AP3B1: variants seen among roughly 807,000 people sequenced by gnomAD.
AP3B1 encodes the protein adaptor related protein complex 3 subunit beta 1.
In AP3B1, 61 loss-of-function variants were observed where a neutral mutation model predicts 132.5. That is an observed-to-expected ratio of 0.46 (90% CI 0.37 to 0.57). The LOEUF (loss-of-function observed/expected upper bound fraction) is 0.57. Among genes scored for constraint, AP3B1 ranks in the 20% least tolerant of loss-of-function variants. The probability of loss-of-function intolerance (pLI) is 0.00; values close to 1 mark genes in which losing one functional copy is unlikely to be tolerated. For missense variants in AP3B1, 1,120 were observed against 1,289.4 expected, an observed-to-expected ratio of 0.87 and a Z score of 2.01; for synonymous variants, 388 against 438.3, an observed-to-expected ratio of 0.89 and a Z score of 1.43.
chr5:78,170,627 T>A (rs1172688732), intron 11 of AP3B1, among the ~76,000 whole-genome samples: 1 of 151,390 alleles, frequency 6.6e-6, no homozygotes, highest in African/African-American at 2.4e-5. Flanking sequence ...TTTTTCTGGA[T>A]ATTAGCCCTT....
At chr5:78,088,400 C>G (rs748781287) in intron 22 of AP3B1, among the ~76,000 whole-genome samples, 8 of 152,150 alleles carry the variant, frequency 5.3e-5, no homozygotes, top group African/African-American at 1.4e-4. Context: ...TTCACCTGTA[C>G]TTTCTGAGCG....
intron 2 of AP3B1, among the ~76,000 whole-genome samples, chr5:78,258,792 A>G (rs1301008536): frequency 6.6e-6 from 1 of 152,348 alleles, no homozygotes; most frequent in East Asian, 1.9e-4. Context: ...GAAGCAACCT[A>G]AGTGTCCACC....
At chr5:78,202,873 G>A (rs1260940283) in intron 7 of AP3B1, among the ~76,000 whole-genome samples, 3 of 152,122 alleles carry the variant, frequency 2.0e-5, no homozygotes, top group Non-Finnish European at 4.4e-5. Context: ...ACATACTGAA[G>A]TGTTTAGGTG....
chr5:78,176,624 T>C (rs139002939), intron 9 of AP3B1, among the ~76,000 whole-genome samples: 289 of 152,290 alleles, frequency 1.9e-3, no homozygotes, highest in African/African-American at 6.8e-3. Flanking sequence ...GAAATGAAGG[T>C]ATTCTTAAAC....
intron 2 of AP3B1, among the ~76,000 whole-genome samples, chr5:78,249,651 T>C (rs944327035): frequency 6.6e-6 from 1 of 151,214 alleles, no homozygotes; most frequent in Non-Finnish European, 1.5e-5. Flanking sequence ...TGGTGCCATG[T>C]TGGCTCACTG....
intron 25 of AP3B1, among the ~76,000 whole-genome samples, chr5:78,017,191 A>T (rs553637901): frequency 4.5e-4 from 69 of 152,192 alleles, no homozygotes; most frequent in African/African-American, 1.4e-3. Context: ...AAGTAAAATT[A>T]AAAAAATCAA....
At chr5:78,153,576 C>G (rs1318730273) in intron 14 of AP3B1, among the ~76,000 whole-genome samples, 2 of 152,040 alleles carry the variant, frequency 1.3e-5, no homozygotes, top group Non-Finnish European at 2.9e-5. Flanking sequence ...AGTAAGGACT[C>G]ACTCCTGCCA....
chr5:78,117,364 T>C (rs933360066), intron 17 of AP3B1, among the ~76,000 whole-genome samples: 3 of 151,428 alleles, frequency 2.0e-5, no homozygotes, highest in Non-Finnish European at 4.4e-5. Flanking sequence ...GGCTGGAGTA[T>C]GGTGACAGGA....
At chr5:78,124,097 G>A (rs1580378726) in intron 17 of AP3B1, among the ~76,000 whole-genome samples, 2 of 152,056 alleles carry the variant, frequency 1.3e-5, no homozygotes, top group South Asian at 4.2e-4. Flanking sequence ...CTATCACAAG[G>A]ACAAAAAACC....
At position 78,023,439 on chromosome 5, in the gene AP3B1, CAAGAAAAGAAAAGAA is replaced by C. The variant is rs58834256; in HGVS notation, c.2895-2665_2895-2651del. Reference sequence around the variant, plus strand: ...CCTAGGTGATAGAGTGAGACCCCATCAAGAAAAGAAAAGAAAAGAAAAGAAAAGAAAAAAGAAAGG... The same window carrying C: ...CCTAGGTGATAGAGTGAGACCCCATCAAGAAAAGAAAAGAAAAAAGAAAGG... On this transcript the variant is annotated intron_variant, in intron 24 of 26. Transcript: ENST00000255194. Among the ~76,000 whole-genome samples, 319 of 148,634 alleles carry C rather than the reference CAAGAAAAGAAAAGAA, an allele frequency of 2.1e-3. 1 individual carries two copies. The highest frequency in any genetic ancestry group is 7.2e-3 in the African/African-American group (287 of 40,132).
At chr5:78,212,927 G>C (rs1328319143) in intron 7 of AP3B1, among the ~76,000 whole-genome samples, 1 of 152,062 alleles carries the variant, frequency 6.6e-6, no homozygotes, top group Admixed American at 6.6e-5. Flanking sequence ...ACCCAGGCTG[G>C]AGTGCAGTGG....
intron 21 of AP3B1, among the ~76,000 whole-genome samples, chr5:78,090,433 C>T (rs4145594): frequency 0.035 from 5,277 of 152,298 alleles, 194 homozygotes; most frequent in East Asian, 0.14. Context: ...TCTTGTTCTA[C>T]GTCTTGGAGC....
intron 22 of AP3B1, among the ~76,000 whole-genome samples, chr5:78,077,683 G>GC (rs149721591): frequency 0.17 from 26,088 of 152,046 alleles, 2,832 homozygotes; most frequent in Admixed American, 0.28. Context: ...TCTTCTAGGA[G>GC]CGTCATTCTT....
chr5:78,243,111 C>T (rs931794245), intron 2 of AP3B1, among the ~76,000 whole-genome samples: 35 of 152,164 alleles, frequency 2.3e-4, no homozygotes, highest in African/African-American at 7.7e-4. Context: ...TATTTCCTTA[C>T]CTGTGACATT....
chr5:78,192,343 T>C (rs1012269823), intron 7 of AP3B1, among the ~76,000 whole-genome samples: 3 of 151,776 alleles, frequency 2.0e-5, no homozygotes, highest in Non-Finnish European at 4.4e-5. Flanking sequence ...TCCCACAAAT[T>C]CATATAATGA....
chr5:78,224,736 AC>A (rs936121302), intron 6 of AP3B1, among the ~76,000 whole-genome samples: 1 of 152,092 alleles, frequency 6.6e-6, no homozygotes, highest in Non-Finnish European at 1.5e-5. Flanking sequence ...AGACATTAAA[AC>A]AAAAAAATGT....
chr5:78,150,950 G>A (rs1040871777), intron 14 of AP3B1, among the ~76,000 whole-genome samples: 3 of 151,486 alleles, frequency 2.0e-5, no homozygotes, highest in East Asian at 1.9e-4. Context: ...ACAGAGTCTC[G>A]CTCTGTCACC....
chr5:78,182,230 C>T (rs1039443586), intron 7 of AP3B1, among the ~76,000 whole-genome samples: 1 of 152,116 alleles, frequency 6.6e-6, no homozygotes, highest in Non-Finnish European at 1.5e-5. Flanking sequence ...TTATCTCTGC[C>T]AATAAAATAT....
intron 24 of AP3B1, among the ~76,000 whole-genome samples, chr5:78,027,580 G>A (rs1348524730): frequency 1.3e-5 from 2 of 151,876 alleles, no homozygotes; most frequent in Admixed American, 6.6e-5. Context: ...TGAAAAAGTC[G>A]ACTGGCATTT....
Sources: allele counts gnomAD v4.1 joint callset (sites outside exome capture counted in the v4.1 genomes callset), GRCh38; gene constraint gnomAD v4.1.1; transcripts MANE v1.5; gene names NCBI Gene and HGNC (gene_info 2026-07-23, HGNC 2026-07-21).